Variants in ADGRL2 observed in about 807,000 individuals in gnomAD.
ADGRL2 encodes calcium-independent alpha-latrotoxin receptor 2.
In ADGRL2, 44 loss-of-function variants were observed where a neutral mutation model predicts 157.4. The ratio of observed to expected loss-of-function variants is 0.28; its 90% CI spans 0.22 to 0.36. ADGRL2 has a LOEUF of 0.36. Among genes scored for constraint, ADGRL2 ranks in the 10% least tolerant of loss-of-function variants. The pLI, the probability that ADGRL2 is intolerant of heterozygous loss-of-function variation, is 1.00. For synonymous variants in ADGRL2, 585 were observed against 624.7 expected, an observed-to-expected ratio of 0.94 and a Z score of 0.95; for missense variants, 1,510 against 1,768.9, an observed-to-expected ratio of 0.85 and a Z score of 2.63.
chr1:81,712,719 C>A (rs1254830733), intron 1 of ADGRL2, among the ~76,000 whole-genome samples: 1 of 150,612 alleles, frequency 6.6e-6, no homozygotes, highest in Non-Finnish European at 1.5e-5. Flanking sequence ...AACACACTGC[C>A]TATCATGCTG....
intron 1 of ADGRL2, among the ~76,000 whole-genome samples, chr1:81,323,719 T>C (rs56242891): frequency 0.028 from 4,200 of 152,198 alleles, 71 homozygotes; most frequent in Non-Finnish European, 0.039. Context: ...ATAGAGCATA[T>C]AGTCAAGGAA....
At chr1:81,784,361 T>C (rs1482927508) in intron 2 of ADGRL2, among the ~76,000 whole-genome samples, 7 of 152,168 alleles carry the variant, frequency 4.6e-5, no homozygotes, top group African/African-American at 1.7e-4. Context: ...TCTCAAATGG[T>C]ATTTACCATA....
chr1:81,380,933 T>C (rs938287770), intron 1 of ADGRL2, among the ~76,000 whole-genome samples: 1 of 152,108 alleles, frequency 6.6e-6, no homozygotes, highest in Non-Finnish European at 1.5e-5. Flanking sequence ...GGAAACTACA[T>C]GAAATATATA....
chr1:81,988,155 A>G (rs1663730271), intron 23 of ADGRL2, among the ~76,000 whole-genome samples: 1 of 152,152 alleles, frequency 6.6e-6, no homozygotes, highest in Non-Finnish European at 1.5e-5. Context: ...AGTACTGTCA[A>G]CCAAAATGCT....
intron 2 of ADGRL2, among the ~76,000 whole-genome samples, chr1:81,549,927 A>G: frequency 2.2e-5 from 2 of 90,544 alleles, no homozygotes; most frequent in Non-Finnish European, 5.1e-5. Flanking sequence ...ACAAAAGATA[A>G]CCTGCTAAGA....
intron 1 of ADGRL2, among the ~76,000 whole-genome samples, chr1:81,320,083 A>G (rs540135363): frequency 6.6e-6 from 1 of 152,312 alleles, no homozygotes; most frequent in South Asian, 2.1e-4. Context: ...CTTTGTTGTC[A>G]TTTCAACAAT....
chr1:81,979,997 A>T (rs766972959), intron 18 of ADGRL2, 37 bp downstream of exon 18: 1 of 1,133,684 alleles, frequency 8.8e-7, no homozygotes. Flanking sequence ...TACTTGACAA[A>T]CTAAGTAAAA....
intron 1 of ADGRL2, among the ~76,000 whole-genome samples, chr1:81,372,437 T>A (rs2076176238): frequency 6.6e-6 from 1 of 152,224 alleles, no homozygotes; most frequent in Non-Finnish European, 1.5e-5. Context: ...TCAAGATTGC[T>A]GTTCTCATTT....
chr1:81,664,311 T>C (rs1479305753), intron 3 of ADGRL2, among the ~76,000 whole-genome samples: 2 of 152,154 alleles, frequency 1.3e-5, no homozygotes, highest in Non-Finnish European at 2.9e-5. Flanking sequence ...AAGAATATTT[T>C]TCCACCTTCT....
chr1:81,656,124 C>G (rs899986542), intron 3 of ADGRL2, among the ~76,000 whole-genome samples: 1 of 152,176 alleles, frequency 6.6e-6, no homozygotes, highest in Non-Finnish European at 1.5e-5. Flanking sequence ...ATCTCTAACA[C>G]TTTGTGGGAG....
intron 1 of ADGRL2, among the ~76,000 whole-genome samples, chr1:81,307,235 T>C (rs1204796462): frequency 6.6e-6 from 1 of 152,244 alleles, no homozygotes; most frequent in Non-Finnish European, 1.5e-5. Context: ...TTGAGAATGA[T>C]TTCAATAGCC....
At chr1:81,689,415 T>G (rs2083289422) in intron 3 of ADGRL2, among the ~76,000 whole-genome samples, 1 of 152,176 alleles carries the variant, frequency 6.6e-6, no homozygotes, top group Admixed American at 6.5e-5. Context: ...TCAGTCTCTC[T>G]CCTTAAGAAG....
intron 3 of ADGRL2, among the ~76,000 whole-genome samples, chr1:81,613,905 T>A (rs1033999364): frequency 6.6e-6 from 1 of 152,220 alleles, no homozygotes; most frequent in Admixed American, 6.5e-5. Flanking sequence ...TCATTTCTGT[T>A]CTAAATTCTT....
At chr1:81,782,759 G>A (rs1373058470) in intron 2 of ADGRL2, among the ~76,000 whole-genome samples, 4 of 152,144 alleles carry the variant, frequency 2.6e-5, no homozygotes, top group African/African-American at 9.7e-5. Flanking sequence ...GGTTTCTTAG[G>A]TAAGTTAGCT....
At chr1:81,618,885 A>G (rs2081725579) in intron 3 of ADGRL2, among the ~76,000 whole-genome samples, 2 of 152,136 alleles carry the variant, frequency 1.3e-5, no homozygotes, top group South Asian at 2.1e-4. Flanking sequence ...TTACTGTAAC[A>G]TAATGGCATG....
At chr1:81,969,456 T>C (rs1658096698) in intron 15 of ADGRL2, 69 bp downstream of exon 15, 1 of 974,094 alleles carries the variant, frequency 1.0e-6, no homozygotes. Flanking sequence ...AGGTGACATA[T>C]GATACTGATA....
chr1:81,869,623 ATAAT>A (rs1454722412), intron 2 of ADGRL2, among the ~76,000 whole-genome samples: 1 of 152,094 alleles, frequency 6.6e-6, no homozygotes, highest in Non-Finnish European at 1.5e-5. Context: ...CAGTTTATAA[ATAAT>A]TACAGTTTCT....
At chr1:81,617,222 G>A (rs945164563) in intron 3 of ADGRL2, among the ~76,000 whole-genome samples, 3 of 152,142 alleles carry the variant, frequency 2.0e-5, no homozygotes, top group Admixed American at 6.5e-5. Context: ...TCTCATAGGC[G>A]CACGAACCCT....
chr1:81,571,494 T>C (rs2080692325), intron 2 of ADGRL2, among the ~76,000 whole-genome samples: 1 of 150,344 alleles, frequency 6.7e-6, no homozygotes, highest in Admixed American at 6.7e-5. Flanking sequence ...TTGGGTGGAC[T>C]TTTGAACAAC....
Sources: allele counts gnomAD v4.1 joint callset (sites outside exome capture counted in the v4.1 genomes callset), GRCh38; gene constraint gnomAD v4.1.1; transcripts MANE v1.5; gene names NCBI Gene and HGNC (gene_info 2026-07-23, HGNC 2026-07-21).